IL23R: variants seen among roughly 807,000 people sequenced by gnomAD.
The protein encoded by IL23R is interleukin 23 receptor, also known as interleukin-23 receptor.
A neutral mutation model predicts 56.9 loss-of-function variants in IL23R; 34 were observed. The observed-to-expected ratio is 0.60, with a 90% CI of 0.45 to 0.80. The LOEUF (loss-of-function observed/expected upper bound fraction) is 0.80. Among genes scored for constraint, IL23R ranks in the 30% least tolerant of loss-of-function variants. IL23R has a pLI of 0.00. For synonymous variants in IL23R, 230 were observed against 249.2 expected (o/e 0.92, Z 0.73); for missense variants, 635 against 730.0 (o/e 0.87, Z 1.50).
intron 5 of IL23R, among the ~76,000 whole-genome samples, chr1:67,203,720 G>GC (rs1648797349): frequency 1.3e-5 from 2 of 152,194 alleles, no homozygotes; most frequent in Admixed American, 1.3e-4. Flanking sequence ...ACTGTTCTAT[G>GC]CCACTGAGAA....
intron 4 of IL23R, among the ~76,000 whole-genome samples, chr1:67,199,567 T>C (rs1648447460): frequency 6.6e-6 from 1 of 152,088 alleles, no homozygotes; most frequent in South Asian, 2.1e-4. Context: ...TCCATGAAAA[T>C]GTTTAATTTT....
At position 67,219,746 on chromosome 1, in the gene IL23R, T is replaced by C; in HGVS notation, c.955+16T>C. ...CCTGAAACAGGTGAGTGTACTTATA[T>C]ATTTTATTCTGTTGGGCTTTTCTTT... On this transcript the variant is annotated intron_variant, in intron 7 of 10. Transcript: ENST00000347310. 1.2e-6 allele frequency: 2 copies of C among 1,609,656 alleles called. No homozygotes were observed. Among genetic ancestry groups the C allele is most frequent in the South Asian group, 1.1e-5 (1 of 91,002 alleles).
At chr1:67,168,021 GA>G in intron 1 of IL23R, 70 bp from the exon 2 acceptor site, 2 of 868,136 alleles carry the variant, frequency 2.3e-6, no homozygotes. Flanking sequence ...AATTCTTAGG[GA>G]AAAATGTTAT....
chr1:67,191,868 C>T (rs753864989), intron 4 of IL23R, among the ~76,000 whole-genome samples: 1 of 152,188 alleles, frequency 6.6e-6, no homozygotes, highest in Non-Finnish European at 1.5e-5. Context: ...CCTTTTGCTG[C>T]TCCTCCCACC....
chr1:67,177,122 G>A (rs1266041570), intron 3 of IL23R, among the ~76,000 whole-genome samples: 2 of 152,034 alleles, frequency 1.3e-5, no homozygotes, highest in Admixed American at 1.3e-4. Context: ...TAATCCTTTG[G>A]GTATATACTC....
intron 4 of IL23R, among the ~76,000 whole-genome samples, chr1:67,195,952 TGGTG>T (rs2102612769): frequency 6.6e-6 from 1 of 152,280 alleles, no homozygotes; most frequent in African/African-American, 2.4e-5. Flanking sequence ...AGTTTAATCC[TGGTG>T]GGATATTTTG....
chr1:67,261,111 G>A (rs1653190260), downstream of IL23R, among the ~76,000 whole-genome samples: 1 of 148,514 alleles, frequency 6.7e-6, no homozygotes, highest in Non-Finnish European at 1.5e-5. Context: ...AAATCTAAAA[G>A]CAATTTTATG....
chr1:67,255,707 G>T (rs11465820), intron 9 of IL23R, 130 bp from the exon 10 acceptor site: 2 of 589,362 alleles, frequency 3.4e-6, no homozygotes, highest in Non-Finnish European at 6.4e-6. Context: ...CCAAAGTGCT[G>T]GGATTACAGG....
At chr1:67,221,769 G>A (rs1421777443) in intron 7 of IL23R, among the ~76,000 whole-genome samples, 3 of 152,118 alleles carry the variant, frequency 2.0e-5, no homozygotes, top group Non-Finnish European at 2.9e-5. Flanking sequence ...ATGTTTTCAA[G>A]GCACTTTGAC....
At chr1:67,183,624 A>G (rs947034417) in intron 4 of IL23R, among the ~76,000 whole-genome samples, 9 of 152,176 alleles carry the variant, frequency 5.9e-5, no homozygotes, top group Non-Finnish European at 1.2e-4. Flanking sequence ...CCGAATTGCT[A>G]TTATTTTTAA....
intron 7 of IL23R, among the ~76,000 whole-genome samples, chr1:67,228,194 C>CCTTCCTTCCTTCCTTG (rs1650859498): frequency 7.7e-6 from 1 of 130,640 alleles, no homozygotes; most frequent in African/African-American, 2.9e-5. Flanking sequence ...TTCCTTCCTT[C>CCTTCCTTCCTTCCTTG]CTTCCTCCCT....
downstream of IL23R, among the ~76,000 whole-genome samples, chr1:67,264,452 C>G (rs559125950): frequency 6.6e-6 from 1 of 152,260 alleles, no homozygotes; most frequent in East Asian, 1.9e-4. Flanking sequence ...ACCCATTTGG[C>G]AGACACTATT....
chr1:67,215,395 A>G (rs956710303), intron 6 of IL23R, among the ~76,000 whole-genome samples: 1 of 152,078 alleles, frequency 6.6e-6, no homozygotes, highest in African/African-American at 2.4e-5. Context: ...TCTCCTCTAC[A>G]TGTCTCCTGG....
At chr1:67,238,942 G>A (rs1651677919) in intron 8 of IL23R, among the ~76,000 whole-genome samples, 1 of 152,082 alleles carries the variant, frequency 6.6e-6, no homozygotes, top group Non-Finnish European at 1.5e-5. Flanking sequence ...TGGAGACCCC[G>A]GTATGTGAAA....
intron 3 of IL23R, among the ~76,000 whole-genome samples, chr1:67,175,007 G>A (rs1427173268): frequency 6.6e-6 from 1 of 152,016 alleles, no homozygotes; most frequent in African/African-American, 2.4e-5. Flanking sequence ...AATTCTGATT[G>A]GTTCATCTTG....
Position 67,232,825 on chromosome 1 carries a change from C to T in IL23R, c.956-3888C>T, listed in dbSNP as rs113781690. 4.6e-5 allele frequency among the ~76,000 whole-genome samples: 7 copies of T among 152,022 alleles called. 1 individual carries two copies. Among genetic ancestry groups the T allele is most frequent in the African/African-American group, 1.2e-4 (5 of 41,474 alleles). The stretch of plus-strand genomic sequence containing the variant: ...TAGTTCCCATAATCCCCATGAGTCG[C>T]GGGAGGTAATTGAATGGTGGGGGCA... On this transcript the variant is annotated intron_variant, in intron 7 of 10. Coordinates refer to ENST00000347310, the MANE Select transcript of IL23R (RefSeq NM_144701.3).
chr1:67,236,082 G>T (rs12030948), intron 7 of IL23R, among the ~76,000 whole-genome samples: 51,340 of 152,032 alleles, frequency 0.34, 9,759 homozygotes, highest in East Asian at 0.72. Context: ...TAGGTACCAG[G>T]GTTGCTCACC....
intron 3 of IL23R, among the ~76,000 whole-genome samples, chr1:67,180,318 A>G (rs878986608): frequency 6.6e-6 from 1 of 152,050 alleles, no homozygotes; most frequent in African/African-American, 2.4e-5. Flanking sequence ...TTGGGTGCAT[A>G]TATATTTAGG....
chr1:67,203,729 A>T (rs1283757153), intron 5 of IL23R, among the ~76,000 whole-genome samples: 2 of 152,238 alleles, frequency 1.3e-5, no homozygotes, highest in Admixed American at 1.3e-4. Context: ...TGCCACTGAG[A>T]ACAGAAGACT....
Sources: gnomAD v4.1 joint callset for allele counts (sites outside exome capture counted in the v4.1 genomes callset) on GRCh38, gnomAD v4.1.1 for gene constraint, MANE v1.5 for transcripts, NCBI Gene and HGNC (gene_info 2026-07-23, HGNC 2026-07-21) for gene names.